Variants in BHMT2 observed in about 807,000 individuals in gnomAD.
BHMT2 encodes the protein betaine--homocysteine S-methyltransferase 2.
A neutral mutation model predicts 39.0 loss-of-function variants in BHMT2; 28 were observed. The ratio of observed to expected loss-of-function variants is 0.72; its 90% confidence interval spans 0.53 to 0.98. The LOEUF is 0.98. Ranked by LOEUF, BHMT2 falls within the 50% of genes least tolerant of loss-of-function variation. The pLI is 0.00. For synonymous variants in BHMT2, 145 were observed against 160.6 expected, an observed-to-expected ratio of 0.90 and a Z score of 0.74; for missense variants, 410 against 455.6, an observed-to-expected ratio of 0.90 and a Z score of 0.91.
chr5:79,073,472 A>G (rs1229314121), intron 1 of BHMT2, among the ~76,000 whole-genome samples: 7 of 152,204 alleles, frequency 4.6e-5, no homozygotes. Flanking sequence ...ACCTTGTCTT[A>G]TTCTGATGTT....
intron 1 of BHMT2, among the ~76,000 whole-genome samples, chr5:79,074,449 A>G (rs1755634933): frequency 6.6e-6 from 1 of 152,190 alleles, no homozygotes; most frequent in Non-Finnish European, 1.5e-5. Context: ...TCCAGGATTG[A>G]CCCAGCTAAG....
chr5:79,083,322 C>T lies in BHMT2; in HGVS notation c.729C>T (p.His243=), dbSNP rs768968564. 2.8e-5 allele frequency: 45 copies of T among 1,611,360 alleles called. No homozygotes were observed. Among genetic ancestry groups the T allele is most frequent in the Middle Eastern group, 1.6e-4 (1 of 6,076 alleles). Residue 243 remains histidine, a synonymous_variant, in exon 6 of 8, where the codon CAC becomes CAT. Coordinates refer to ENST00000255192, the MANE Select transcript of BHMT2 (RefSeq NM_017614.5). Reference sequence around the variant, plus strand: ...TCATGGTGCAGCCTCTGGGGTTCCACGCGCCTGACTGTGGCAAAGAGGGGT... The same window carrying T: ...TCATGGTGCAGCCTCTGGGGTTCCATGCGCCTGACTGTGGCAAAGAGGGGT... ...AHLMVQPLGF[H]APDCGKEGFV...
intron 7 of BHMT2, among the ~76,000 whole-genome samples, chr5:79,085,889 A>G (rs999312704): frequency 1.3e-5 from 2 of 151,924 alleles, no homozygotes; most frequent in African/African-American, 4.8e-5. Flanking sequence ...TCTTGCTACC[A>G]TGGTTTCTGG....
rs369119738 is a variant in BHMT2, at chr5:79,087,014, GTATATA to G, written c.1011-1456_1011-1451del. ...TGTGTATGTATGTGTGTGTGTGTGT[GTATATA>G]TATATATATATATATATATATACAT... On this transcript the variant is annotated intron_variant, in intron 7 of 7. Transcript: ENST00000255192. 1.3e-3 allele frequency among the ~76,000 whole-genome samples: 159 copies of G among 118,306 alleles called. 1 individual carries two copies. The highest frequency in any genetic ancestry group is 4.2e-3 in the African/African-American group (131 of 31,468). 77.6% of individuals were successfully genotyped at this position (118,306 alleles called of 152,430 possible).
Position 79,070,362 on chromosome 5 carries a change from G to A in BHMT2, c.33+547G>A, listed in dbSNP as rs79809116. On this transcript the variant is annotated intron_variant, in intron 1 of 7. Transcript: ENST00000255192. The stretch of plus-strand genomic sequence containing the variant: ...CGCCCCCAGAGCTGCGGTGCAGGGT[G>A]GAGGGTAGGTGGGATTCGCTAGCAC... Among the ~76,000 whole-genome samples the A allele has an allele frequency of 3.0e-3, 454 of 152,254 alleles. 2 individuals carry two copies. Among genetic ancestry groups the A allele is most frequent in the Non-Finnish European group, 5.0e-3 (341 of 68,020 alleles).
chr5:79,074,623 G>A (rs1265815798), intron 1 of BHMT2, among the ~76,000 whole-genome samples: 1 of 152,206 alleles, frequency 6.6e-6, no homozygotes, highest in African/African-American at 2.4e-5. Flanking sequence ...AAGGAAGCTC[G>A]CTCCTGACAC....
intron 4 of BHMT2, 101 bp from the exon 5 acceptor site, chr5:79,082,708 A>G: frequency 7.2e-7 from 1 of 1,389,530 alleles, no homozygotes; most frequent in Non-Finnish European, 9.9e-7. Flanking sequence ...ATATGTTTAT[A>G]TTCTATTTGG....
chr5:79,073,453 AGGGCAG>A (rs1755617817), intron 1 of BHMT2, among the ~76,000 whole-genome samples: 1 of 152,190 alleles, frequency 6.6e-6, no homozygotes, highest in African/African-American at 2.4e-5. Context: ...GAGCTTGTGG[AGGGCAG>A]AGACCTTGTC....
At chr5:79,073,320 C>G (rs952045444) in intron 1 of BHMT2, among the ~76,000 whole-genome samples, 8 of 152,292 alleles carry the variant, frequency 5.3e-5, no homozygotes, top group African/African-American at 1.9e-4. Flanking sequence ...TTCAGGAAAA[C>G]AGTTTGTACA....
At chr5:79,077,457 G>A (rs1755692654) in intron 1 of BHMT2, 23 bp from the exon 2 acceptor site, 2 of 1,596,366 alleles carry the variant, frequency 1.3e-6, no homozygotes, top group Admixed American at 1.8e-5. Context: ...GCGGAGCTTA[G>A]GTGCTTTTTT....
rs13189433 is a variant in BHMT2, at chr5:79,069,776, C to T, written c.-7C>T. Reference sequence around the variant, plus strand: ...CGGGAACCCGGCGCCCACAGAGCCGCGGCACCATGGCACCTGCTGGACGCC... The same window carrying T: ...CGGGAACCCGGCGCCCACAGAGCCGTGGCACCATGGCACCTGCTGGACGCC... On this transcript the variant is annotated 5_prime_UTR_variant, in exon 1 of 8. Coordinates refer to ENST00000255192, the MANE Select transcript of BHMT2 (RefSeq NM_017614.5). The T allele has an allele frequency of 2.8e-6, 4 of 1,425,088 alleles. No homozygotes were observed. Among genetic ancestry groups the T allele is most frequent in the South Asian group, 1.5e-5 (1 of 66,054 alleles). 88.3% of individuals were successfully genotyped at this position (1,425,088 alleles called of 1,614,324 possible). A position where few individuals can be genotyped will look rare whatever the true frequency, so the allele number is the denominator to read the frequency against.
chr5:79,074,171 C>T (rs577470836), intron 1 of BHMT2, among the ~76,000 whole-genome samples: 5 of 152,190 alleles, frequency 3.3e-5, no homozygotes, highest in African/African-American at 1.2e-4. Flanking sequence ...TTCTGGAAGC[C>T]CAGTGTAAAT....
intron 4 of BHMT2, 136 bp from the exon 5 acceptor site, chr5:79,082,673 C>A: frequency 1.0e-6 from 1 of 973,370 alleles, no homozygotes; most frequent in Non-Finnish European, 1.5e-6. Context: ...GATAGACACA[C>A]ATTCCTTAGC....
rs370172311 is a variant in BHMT2 at position 79,086,654 on chromosome 5, T to C, written c.1011-1839T>C. Among the ~76,000 whole-genome samples, 8 of 152,230 alleles carry C rather than the reference T, an allele frequency of 5.3e-5. No homozygotes were observed. In the East Asian group the frequency reaches 1.5e-3, roughly 29 times the overall value. ...TTCCAAGCATCAAGGTCAAATGAAT[T>C]TTCTTCTCTTGCATTCCCGTGGATA... On this transcript the variant is annotated intron_variant, in intron 7 of 7. Coordinates refer to ENST00000255192, the MANE Select transcript of BHMT2 (RefSeq NM_017614.5).
Position 79,079,460 on chromosome 5 carries a change from G to A in BHMT2, c.258G>A (p.Lys86=). Reference sequence around the variant, plus strand: ...CCAGTGAGGACAATATGGAAAGCAAGGTAAACGGCAATGGCTGGGTGTGGG... The same window carrying A: ...CCAGTGAGGACAATATGGAAAGCAAAGTAAACGGCAATGGCTGGGTGTGGG... ...FSASEDNMES[K]WEDVNAAACD... Residue 86 remains lysine, a splice_region_variant and synonymous_variant, in exon 3 of 8, where the codon AAG becomes AAA. Transcript: ENST00000255192. The A allele has an allele frequency of 6.2e-7, 1 of 1,609,672 alleles. No individual in the cohort carries two copies. Among genetic ancestry groups the A allele is most frequent in the Middle Eastern group, 1.7e-4 (1 of 6,052 alleles).
intron 7 of BHMT2, 23 bp from the exon 8 acceptor site, chr5:79,088,470 A>G: frequency 1.3e-6 from 2 of 1,596,884 alleles, no homozygotes; most frequent in African/African-American, 1.4e-5. Context: ...TAATTAATTA[A>G]TTATGTATAT....
chr5:79,080,404 A>G (rs918687164), intron 3 of BHMT2, among the ~76,000 whole-genome samples: 2 of 152,256 alleles, frequency 1.3e-5, no homozygotes, highest in African/African-American at 4.8e-5. Flanking sequence ...TCTCTATGTT[A>G]GACTCAAAGT....
chr5:79,082,632 T>C, intron 4 of BHMT2, 177 bp from the exon 5 acceptor site: 1 of 612,676 alleles, frequency 1.6e-6, no homozygotes, highest in South Asian at 2.7e-5. Flanking sequence ...AATGAAAATG[T>C]TTACTCAGAA....
At chr5:79,079,223 A>C (rs1172211115) in intron 2 of BHMT2, 146 bp from the exon 3 acceptor site, 1 of 599,564 alleles carries the variant, frequency 1.7e-6, no homozygotes, top group African/African-American at 1.9e-5. Flanking sequence ...ACCTTAATCT[A>C]TAATTTTTTG....
Sources: gnomAD v4.1 joint callset for allele counts (sites outside exome capture counted in the v4.1 genomes callset) on GRCh38, gnomAD v4.1.1 for gene constraint, MANE v1.5 for transcripts, NCBI Gene and HGNC (gene_info 2026-07-23, HGNC 2026-07-21) for gene names.